PCDH9: variants seen among roughly 807,000 people sequenced by gnomAD.
The protein encoded by PCDH9 is protocadherin-9.
Under a neutral mutation model 70.6 loss-of-function variants are expected in PCDH9, and 24 were observed. The observed-to-expected ratio is 0.34, with a 90% CI of 0.25 to 0.48. The LOEUF (loss-of-function observed/expected upper bound fraction) is 0.48. PCDH9 is among the 20% of genes least tolerant of loss of function. The probability of loss-of-function intolerance (pLI) is 0.99; values close to 1 mark genes in which losing one functional copy is unlikely to be tolerated. For missense variants in PCDH9, 1,281 were observed against 1,503.6 expected (o/e 0.85, Z 2.45); for synonymous variants, 562 against 558.5 (o/e 1.01, Z -0.09).
Position 66,417,833 on chromosome 13 carries a change from G to A in PCDH9, c.3341-112805C>T, listed in dbSNP as rs576629753. On this transcript the variant is annotated intron_variant, in intron 4 of 4. Coordinates refer to ENST00000377865, the MANE Select transcript of PCDH9 (RefSeq NM_203487.3). ...TGAAAAGTGTCTGTTCATATCCTTC[G>A]CCTACTTTTTGATGAGGTTGTTTGT... 3.3e-5 allele frequency among the ~76,000 whole-genome samples: 5 copies of A among 152,146 alleles called. No individual in the cohort carries two copies. The South Asian group carries it at 6.2e-4, about 19-fold the overall frequency.
intron 3 of PCDH9, among the ~76,000 whole-genome samples, chr13:66,844,730 A>G (rs1488489789): frequency 6.6e-6 from 1 of 152,186 alleles, no homozygotes; most frequent in Admixed American, 6.5e-5. Flanking sequence ...TAGAGAAGTT[A>G]CCTCATCCTG....
intron 2 of PCDH9, chr13:67,222,849 A>G (rs2089761612): frequency 6.6e-6 from 1 of 152,186 alleles, no homozygotes; most frequent in Non-Finnish European, 1.5e-5. Flanking sequence ...GCAATCATAC[A>G]GTTCAGTGAA....
chr13:67,126,496 C>T (rs796831628), intron 2 of PCDH9, among the ~76,000 whole-genome samples: 4 of 152,200 alleles, frequency 2.6e-5, no homozygotes, highest in African/African-American at 9.6e-5. Context: ...GATCCTGTAT[C>T]CTGGCAGCAA....
chr13:66,455,656 A>G (rs1045669984), intron 4 of PCDH9, among the ~76,000 whole-genome samples: 14 of 152,202 alleles, frequency 9.2e-5, no homozygotes, highest in African/African-American at 2.2e-4. Flanking sequence ...TACCAGTTCT[A>G]TATTTTTAGA....
intron 4 of PCDH9, among the ~76,000 whole-genome samples, chr13:66,472,339 G>T (rs1471394162): frequency 6.6e-6 from 1 of 152,000 alleles, no homozygotes; most frequent in Non-Finnish European, 1.5e-5. Flanking sequence ...GGAGGCTGAG[G>T]TGGGTGGATC....
At chr13:66,777,020 G>A (rs1007332473) in intron 3 of PCDH9, among the ~76,000 whole-genome samples, 1 of 151,658 alleles carries the variant, frequency 6.6e-6, no homozygotes, top group South Asian at 2.1e-4. Context: ...AGAAAAACAA[G>A]CAATGGGGAA....
intron 2 of PCDH9, among the ~76,000 whole-genome samples, chr13:66,929,658 C>A (rs1257757500): frequency 6.6e-6 from 1 of 151,952 alleles, no homozygotes; most frequent in Non-Finnish European, 1.5e-5. Flanking sequence ...GTGTTCTATA[C>A]CATAATAATT....
chr13:66,884,619 G>A (rs1384643755), intron 3 of PCDH9, among the ~76,000 whole-genome samples: 5 of 152,104 alleles, frequency 3.3e-5, no homozygotes, highest in Admixed American at 3.3e-4. Context: ...ATTTTTATTA[G>A]CTAACATACT....
chr13:66,887,137 T>A (rs2082019651), intron 3 of PCDH9, among the ~76,000 whole-genome samples: 1 of 151,952 alleles, frequency 6.6e-6, no homozygotes, highest in African/African-American at 2.4e-5. Flanking sequence ...AATGCCTTTT[T>A]TTTTTTCTGG....
chr13:66,468,064 C>T (rs566201012), intron 4 of PCDH9, among the ~76,000 whole-genome samples: 1 of 152,134 alleles, frequency 6.6e-6, no homozygotes, highest in East Asian at 1.9e-4. Context: ...CAACTCCCTC[C>T]TCCATGCTCC....
At chr13:66,389,825 T>G (rs1170536547) in intron 4 of PCDH9, among the ~76,000 whole-genome samples, 1 of 152,184 alleles carries the variant, frequency 6.6e-6, no homozygotes, top group Non-Finnish European at 1.5e-5. Context: ...AAAGTTCTAT[T>G]CCAGACAGTG....
chr13:66,843,994 A>T (rs1365772802), intron 3 of PCDH9, among the ~76,000 whole-genome samples: 1 of 152,122 alleles, frequency 6.6e-6, no homozygotes. Flanking sequence ...ATGTAGCAAT[A>T]CTTCACTTTC....
At chr13:67,054,866 G>A (rs2085388237) in intron 2 of PCDH9, among the ~76,000 whole-genome samples, 2 of 152,196 alleles carry the variant, frequency 1.3e-5, no homozygotes, top group South Asian at 4.2e-4. Context: ...CTGACTTGTA[G>A]GCAATGAATG....
At chr13:66,822,134 G>GTGCACA (rs1425294155) in intron 3 of PCDH9, among the ~76,000 whole-genome samples, 2 of 41,510 alleles carry the variant, frequency 4.8e-5, no homozygotes, top group Non-Finnish European at 1.1e-4. Flanking sequence ...CATCACACAC[G>GTGCACA]CGCACACACA....
intron 2 of PCDH9, among the ~76,000 whole-genome samples, chr13:67,005,198 T>C (rs142065017): frequency 6.6e-6 from 1 of 151,944 alleles, no homozygotes; most frequent in East Asian, 2.0e-4. Flanking sequence ...GCTTTCCCCA[T>C]TGATTGAATA....
chr13:67,083,190 AAAT>A (rs2086021443), intron 2 of PCDH9, among the ~76,000 whole-genome samples: 1 of 152,144 alleles, frequency 6.6e-6, no homozygotes, highest in Admixed American at 6.6e-5. Flanking sequence ...AAATATATAT[AAAT>A]AACATATGTA....
At chr13:66,818,025 A>G (rs2080639676) in intron 3 of PCDH9, among the ~76,000 whole-genome samples, 1 of 152,224 alleles carries the variant, frequency 6.6e-6, no homozygotes, top group Non-Finnish European at 1.5e-5. Flanking sequence ...GTACATACAA[A>G]TAAATCACTG....
chr13:67,099,307 T>C (rs959774039), intron 2 of PCDH9, among the ~76,000 whole-genome samples: 2 of 152,230 alleles, frequency 1.3e-5, no homozygotes, highest in African/African-American at 4.8e-5. Context: ...ATATGCTATT[T>C]GTCAAATAAT....
chr13:66,672,260 G>A (rs115051259), intron 3 of PCDH9, among the ~76,000 whole-genome samples: 6 of 152,292 alleles, frequency 3.9e-5, no homozygotes, highest in Admixed American at 6.5e-5. Flanking sequence ...TTCTTTCTAC[G>A]TATTGTAAAA....
Sources: allele counts gnomAD v4.1 joint callset (sites outside exome capture counted in the v4.1 genomes callset), GRCh38; gene constraint gnomAD v4.1.1; transcripts MANE v1.5; gene names NCBI Gene and HGNC (gene_info 2026-07-23, HGNC 2026-07-21).